The following PIK3C2G variants were observed in gnomAD, a reference collection of about 807,000 sequenced individuals.
The protein encoded by PIK3C2G is phosphatidylinositol-4-phosphate 3-kinase catalytic subunit type 2 gamma.
PIK3C2G carries 168 observed loss-of-function variants against 181.1 expected under a neutral mutation model. That is an observed-to-expected ratio of 0.93 (90% CI 0.82 to 1.05). The LOEUF (loss-of-function observed/expected upper bound fraction) is 1.05. Ranked by LOEUF, PIK3C2G falls within the 50% of genes least tolerant of loss-of-function variation. The pLI is 0.00. For missense variants in PIK3C2G, 1,869 were observed against 1,732.8 expected (o/e 1.08, Z -1.40); for synonymous variants, 573 against 592.2 (o/e 0.97, Z 0.47).
intron 13 of PIK3C2G, among the ~76,000 whole-genome samples, chr12:18,372,081 T>A (rs1942102918): frequency 6.6e-6 from 1 of 152,168 alleles, no homozygotes; most frequent in Non-Finnish European, 1.5e-5. Context: ...AATATTTTTT[T>A]AATTTATTAA....
chr12:18,694,346 A>T, the PIK3C2G span, among the ~76,000 whole-genome samples: 5 of 152,314 alleles, frequency 3.3e-5, no homozygotes, highest in East Asian at 7.7e-4. Context: ...CTCTCCCAAC[A>T]TGCAGAGGAA....
intron 16 of PIK3C2G, among the ~76,000 whole-genome samples, chr12:18,406,954 A>T (rs1944571335): frequency 6.6e-6 from 1 of 152,164 alleles, no homozygotes; most frequent in Non-Finnish European, 1.5e-5. Context: ...CAGATTTCAC[A>T]GTTGATAACA....
At chr12:18,722,552 A>T in the PIK3C2G span, among the ~76,000 whole-genome samples, 2 of 152,060 alleles carry the variant, frequency 1.3e-5, no homozygotes, top group Admixed American at 1.3e-4. Context: ...TCTATCAGTT[A>T]GTTTCTGTAA....
chr12:18,618,791 A>C (rs1006998125), intron 31 of PIK3C2G, among the ~76,000 whole-genome samples: 1 of 152,162 alleles, frequency 6.6e-6, no homozygotes, highest in Non-Finnish European at 1.5e-5. Context: ...ACATTTAAAG[A>C]CTGAAAAATA....
At chr12:18,419,008 GA>G (rs1227441682) in intron 16 of PIK3C2G, among the ~76,000 whole-genome samples, 1 of 152,152 alleles carries the variant, frequency 6.6e-6, no homozygotes, top group African/African-American at 2.4e-5. Flanking sequence ...GGAGAAAGGT[GA>G]TAACACAGAC....
At chr12:18,358,726 C>T (rs957016102) in intron 11 of PIK3C2G, 3 of 433,288 alleles carry the variant, frequency 6.9e-6, no homozygotes, top group South Asian at 1.9e-5. Context: ...AGCCTTGATT[C>T]TCATGACTTT....
Position 18,555,820 on chromosome 12 carries a change from G to A in PIK3C2G, c.3591-6883G>A, listed in dbSNP as rs7972085. 7.2e-3 allele frequency among the ~76,000 whole-genome samples: 1,098 copies of A among 152,206 alleles called. 12 individuals are homozygous for A. The highest frequency in any genetic ancestry group is 0.025 in the African/African-American group (1,035 of 41,528). ...TATTGTTTGCTTTTTAAAATCCACA[G>A]TGAGAGCAAAGACTAAGGAATCAGA... On this transcript the variant is annotated intron_variant, in intron 26 of 32. Coordinates refer to ENST00000538779, the MANE Select transcript of PIK3C2G (RefSeq NM_001288772.2).
Position 18,383,733 on chromosome 12 carries a change from C to G in PIK3C2G, c.1995+1853C>G, listed in dbSNP as rs374440783. Among the ~76,000 whole-genome samples the G allele has an allele frequency of 8.8e-4, 134 of 151,980 alleles. No homozygotes were observed. In the South Asian group the frequency reaches 0.024, roughly 27 times the overall value. On this transcript the variant is annotated intron_variant, in intron 14 of 32. Transcript: ENST00000538779. ...GGGCAGTAAGTCATAAAAAGTAGTT[C>G]CAGCAATGTTGTAGAAAATGCCTTA...
intron 8 of PIK3C2G, among the ~76,000 whole-genome samples, chr12:18,332,744 A>C (rs1022518906): frequency 6.6e-6 from 1 of 152,066 alleles, no homozygotes; most frequent in African/African-American, 2.4e-5. Flanking sequence ...AGGGAAATGC[A>C]GGGTTTGCTG....
rs544567774 is a variant in PIK3C2G at position 18,435,210 on chromosome 12, C to A, written c.2504+11171C>A. 2.0e-5 allele frequency among the ~76,000 whole-genome samples: 3 copies of A among 152,268 alleles called. No homozygotes were observed. In the East Asian group the frequency reaches 5.8e-4, roughly 29 times the overall value. On this transcript the variant is annotated intron_variant, in intron 18 of 32. Transcript: ENST00000538779. Reference sequence around the variant, plus strand: ...CACAGAAAATCTAGAAGACATTATTCTTACCCAATAATCTTTATTTACTTA... The same window carrying A: ...CACAGAAAATCTAGAAGACATTATTATTACCCAATAATCTTTATTTACTTA...
At chr12:18,634,655 A>T (rs1226319722) in intron 31 of PIK3C2G, among the ~76,000 whole-genome samples, 1 of 152,142 alleles carries the variant, frequency 6.6e-6, no homozygotes, top group East Asian at 1.9e-4. Context: ...GTCAGCCTTG[A>T]TGAATAAAAG....
At chr12:18,375,975 C>T (rs542474649) in intron 13 of PIK3C2G, among the ~76,000 whole-genome samples, 1 of 152,230 alleles carries the variant, frequency 6.6e-6, no homozygotes, top group Admixed American at 6.5e-5. Flanking sequence ...TTAACCTCCA[C>T]CTAGATTTCA....
intron 13 of PIK3C2G, among the ~76,000 whole-genome samples, chr12:18,373,412 C>A (rs987452567): frequency 6.6e-6 from 1 of 152,144 alleles, no homozygotes. Context: ...GGTTTCCTAT[C>A]GCTTTGTGGT....
rs927703063 is a variant in PIK3C2G, at chr12:18,362,626, A to G, written c.1626-138A>G. ...TGACATACTCAGCCTAAATTCTTAAAGCAATTTTTAAAGCATGCTTTATGC... is the reference window on the plus strand; with the variant it reads ...TGACATACTCAGCCTAAATTCTTAAGGCAATTTTTAAAGCATGCTTTATGC... On this transcript the variant is annotated intron_variant, in intron 11 of 32. Transcript: ENST00000538779. The G allele has an allele frequency of 2.1e-5, 13 of 615,152 alleles. No homozygotes were observed. The Admixed American group carries it at 5.0e-4, about 24-fold the overall frequency. 38.1% of individuals were successfully genotyped at this position (615,152 alleles called of 1,614,324 possible).
At chr12:18,393,101 T>C (rs1051395146) in intron 15 of PIK3C2G, among the ~76,000 whole-genome samples, 1 of 152,098 alleles carries the variant, frequency 6.6e-6, no homozygotes, top group Non-Finnish European at 1.5e-5. Context: ...TTTAAATATA[T>C]TCAAGCAAAA....
At chr12:18,270,980 AT>A (rs942063350) in intron 1 of PIK3C2G, among the ~76,000 whole-genome samples, 1 of 151,908 alleles carries the variant, frequency 6.6e-6, no homozygotes, top group Non-Finnish European at 1.5e-5. Flanking sequence ...TGTTTTGCTG[AT>A]TTTTTTAGGC....
intron 16 of PIK3C2G, among the ~76,000 whole-genome samples, chr12:18,414,517 T>C (rs1041770086): frequency 6.6e-6 from 1 of 152,094 alleles, no homozygotes; most frequent in African/African-American, 2.4e-5. Flanking sequence ...ATTAAACTTT[T>C]TTACTATTTT....
In PIK3C2G at chr12:18,394,794, C is replaced by T. The variant is rs186015347; in HGVS notation, c.2126+3542C>T. ...ATAAACCTTGAAAATAATGAGAGCG[C>T]CTTGTAACCTGAGGGACAATATCAA... On this transcript the variant is annotated intron_variant, in intron 15 of 32. Coordinates refer to ENST00000538779, the MANE Select transcript of PIK3C2G (RefSeq NM_001288772.2). Among the ~76,000 whole-genome samples, 247 of 151,882 alleles carry T rather than the reference C, an allele frequency of 1.6e-3. 1 individual carries two copies. Among genetic ancestry groups the T allele is most frequent in the African/African-American group, 5.5e-3 (229 of 41,476 alleles).
chr12:18,322,786 G>A (rs1255665744), intron 7 of PIK3C2G, among the ~76,000 whole-genome samples: 1 of 152,116 alleles, frequency 6.6e-6, no homozygotes, highest in African/African-American at 2.4e-5. Context: ...GCTAGGACTA[G>A]AAAGGATTTT....
Sources: allele counts gnomAD v4.1 joint callset (sites outside exome capture counted in the v4.1 genomes callset), GRCh38; gene constraint gnomAD v4.1.1; transcripts MANE v1.5; gene names NCBI Gene and HGNC (gene_info 2026-07-23, HGNC 2026-07-21).